The following TOP1MT variants were observed in gnomAD, a reference collection of about 807,000 sequenced individuals.
TOP1MT encodes DNA topoisomerase I, mitochondrial.
A neutral mutation model predicts 73.9 loss-of-function variants in TOP1MT; 80 were observed. The observed-to-expected ratio is 1.08, with a 90% CI of 0.90 to 1.30. The LOEUF (loss-of-function observed/expected upper bound fraction) is 1.30, where lower values mean the gene tolerates loss of function less well. Ranked by LOEUF, TOP1MT falls within the 50% of genes most tolerant of loss-of-function variation. TOP1MT has a pLI of 0.00. For synonymous variants in TOP1MT, 338 were observed against 326.4 expected (o/e 1.04, Z -0.38); for missense variants, 815 against 808.0 (o/e 1.01, Z -0.10).
rs765010695 is a variant in TOP1MT at position 143,341,226 on chromosome 8, T to G, written c.29+1994A>C. Among the ~76,000 whole-genome samples the G allele has an allele frequency of 3.3e-5, 5 of 152,276 alleles. No homozygotes were observed. The highest frequency in any genetic ancestry group is 7.4e-5 in the Non-Finnish European group (5 of 68,004). On this transcript the variant is annotated intron_variant, in intron 2 of 5. Transcript: ENST00000518007. The surrounding 1 kb of genome is among the most constrained non-coding windows in gnomAD (Gnocchi z 4.1). ...CTTTCTCTTCGGATATTCTTTTTTT[T>G]TTCTCAGTTTGTGCCTCTCTTCCAC...
At chr8:143,354,060 A>G (rs575044322) in intron 1 of TOP1MT, among the ~76,000 whole-genome samples, 1 of 151,728 alleles carries the variant, frequency 6.6e-6, no homozygotes, top group East Asian at 1.9e-4. Context: ...CTAGCTACAT[A>G]CCCGAAAGCA....
At chr8:143,315,447 T>G (rs1477008462) in intron 12 of TOP1MT, among the ~76,000 whole-genome samples, 1 of 152,110 alleles carries the variant, frequency 6.6e-6, no homozygotes. Flanking sequence ...TCACTGGAGA[T>G]GACTCACACT....
chr8:143,329,308 G>T (rs1816787718), intron 3 of TOP1MT, 42 bp downstream of exon 3: 1 of 1,543,916 alleles, frequency 6.5e-7, no homozygotes, highest in Admixed American at 2.3e-5. Context: ...CGCCTAGCCA[G>T]CCAGGTCCAG....
At position 143,309,437 on chromosome 8, in the gene TOP1MT, G is replaced by A. The variant is rs760364156; in HGVS notation, c.*4C>T. The A allele has an allele frequency of 1.1e-5, 18 of 1,613,040 alleles. No homozygotes were observed. The highest frequency in any genetic ancestry group is 2.7e-5 in the African/African-American group (2 of 74,910). ...TACAAAAGAAGTTTCAACACGGCTC[G>A]TCGTTAGAATTCAAAGTCTTCTCCT... On this transcript the variant is annotated 3_prime_UTR_variant, in exon 14 of 14. Coordinates refer to ENST00000329245, the MANE Select transcript of TOP1MT (RefSeq NM_052963.3).
At chr8:143,330,773 C>T (rs899229576) in intron 2 of TOP1MT, among the ~76,000 whole-genome samples, 1 of 152,316 alleles carries the variant, frequency 6.6e-6, no homozygotes, top group Non-Finnish European at 1.5e-5. Flanking sequence ...CCCCAGAGCC[C>T]CCGGGTCCTG....
chr8:143,357,329 T>C (rs930449820), upstream of TOP1MT, among the ~76,000 whole-genome samples: 3 of 150,926 alleles, frequency 2.0e-5, no homozygotes, highest in Admixed American at 2.0e-4. Flanking sequence ...GGAGGATCAC[T>C]TGGGCCCAAG....
upstream of TOP1MT, among the ~76,000 whole-genome samples, chr8:143,349,012 G>A (rs1817276696): frequency 6.6e-6 from 1 of 152,104 alleles, no homozygotes; most frequent in African/African-American, 2.4e-5. Context: ...TGGCTTAGAG[G>A]GCAGAACCGC....
At chr8:143,323,074 C>CAT (rs1816560104) in intron 7 of TOP1MT, among the ~76,000 whole-genome samples, 3 of 135,944 alleles carry the variant, frequency 2.2e-5, no homozygotes, top group Non-Finnish European at 4.7e-5. Context: ...ACACCACACA[C>CAT]GCACGCCACA....
chr8:143,310,239 G>T (rs1040407689), intron 12 of TOP1MT, 22 bp from the exon 13 acceptor site: 2 of 1,483,748 alleles, frequency 1.3e-6, no homozygotes, highest in Non-Finnish European at 1.8e-6. Context: ...AGAGGAGGCC[G>T]CGAGGCCCCG....
chr8:143,310,981 C>T (rs1214934363), intron 12 of TOP1MT, among the ~76,000 whole-genome samples: 4 of 134,842 alleles, frequency 3.0e-5, no homozygotes, highest in East Asian at 2.3e-4. Context: ...TTTTTTGAGA[C>T]GGAGTCTTGC....
At chr8:143,333,617 G>A (rs955142720) in intron 1 of TOP1MT, among the ~76,000 whole-genome samples, 4 of 152,200 alleles carry the variant, frequency 2.6e-5, no homozygotes, top group Admixed American at 2.6e-4. Context: ...CACTGGGTGT[G>A]CGCTCAAGCC....
intron 1 of TOP1MT, chr8:143,332,467 G>T (rs1373484265): frequency 1.0e-5 from 13 of 1,287,252 alleles, no homozygotes; most frequent in Non-Finnish European, 1.2e-5. Flanking sequence ...AGGACAGAAG[G>T]TTCCAGATCA....
chr8:143,321,754 C>T (rs117158204), intron 7 of TOP1MT, among the ~76,000 whole-genome samples: 9,073 of 65,402 alleles, frequency 0.14, 1,087 homozygotes, highest in East Asian at 0.44. Flanking sequence ...ACGCACGCCA[C>T]AAACACAGGC....
upstream of TOP1MT, among the ~76,000 whole-genome samples, chr8:143,336,897 G>T (rs992642505): frequency 2.0e-5 from 3 of 152,144 alleles, no homozygotes; most frequent in Non-Finnish European, 4.4e-5. Context: ...TAGGGTACAA[G>T]ATCAATATGC....
intron 12 of TOP1MT, among the ~76,000 whole-genome samples, chr8:143,311,161 G>T (rs370616647): frequency 1.4e-5 from 2 of 140,850 alleles, no homozygotes; most frequent in African/African-American, 5.6e-5. Context: ...CAGAGACAGG[G>T]TTTCACCATG....
chr8:143,321,615 C>A (rs1208657174), intron 7 of TOP1MT, among the ~76,000 whole-genome samples: 2 of 56,934 alleles, frequency 3.5e-5, no homozygotes, highest in African/African-American at 2.2e-4. Flanking sequence ...CGCACGCACG[C>A]CACACGCACG....
At chr8:143,316,260 G>A in intron 10 of TOP1MT, 134 bp from the exon 11 acceptor site, 2 of 1,399,162 alleles carry the variant, frequency 1.4e-6, no homozygotes, top group Non-Finnish European at 2.0e-6. Context: ...TGGGGAGAGT[G>A]AGGGCCAAGG....
At chr8:143,343,274 G>A in exon 2 of TOP1MT, 1 of 456,286 alleles carries the variant, frequency 2.2e-6, no homozygotes, top group Non-Finnish European at 4.4e-6. Context: ...CTGGCGTGGT[G>A]ATCTGTGCAA....
intron 7 of TOP1MT, among the ~76,000 whole-genome samples, chr8:143,323,659 T>A (rs1259190289): frequency 1.0e-4 from 2 of 19,600 alleles, no homozygotes; most frequent in African/African-American, 1.5e-4. Context: ...ACACACATGC[T>A]CACCACACAC....
Sources: allele counts gnomAD v4.1 joint callset (sites outside exome capture counted in the v4.1 genomes callset), GRCh38; gene constraint gnomAD v4.1.1; non-coding constraint Gnocchi (gnomAD v3.1); transcripts MANE v1.5; gene names NCBI Gene and HGNC (gene_info 2026-07-23, HGNC 2026-07-21).